The following FCHSD1 variants were observed in gnomAD, a reference collection of about 807,000 sequenced individuals.
The protein encoded by FCHSD1 is F-BAR and double SH3 domains protein 1.
FCHSD1 carries 109 observed loss-of-function variants against 101.3 expected under a neutral mutation model. The ratio of observed to expected loss-of-function variants is 1.08; its 90% CI spans 0.92 to 1.26. The LOEUF is 1.26. Ranked by LOEUF, FCHSD1 falls within the 50% of genes most tolerant of loss-of-function variation. FCHSD1 has a pLI of 0.00. For synonymous variants in FCHSD1, 291 were observed against 356.8 expected (o/e 0.82, Z 2.08); for missense variants, 820 against 895.8 (o/e 0.92, Z 1.08).
Position 141,649,868 on chromosome 5 carries a change from C to T in FCHSD1, c.233+19G>A. ...ATCACTTTTTGGCCTCTGTGGCCCTCCCCCTCCATAGGGCCCACCTGCTGT... is the reference window on the plus strand; with the variant it reads ...ATCACTTTTTGGCCTCTGTGGCCCTTCCCCTCCATAGGGCCCACCTGCTGT... On this transcript the variant is annotated intron_variant, in intron 4 of 19. Transcript: ENST00000435817. The surrounding 1 kb of genome is among the most constrained non-coding windows in gnomAD (Gnocchi z 4.1). 1 of 1,544,032 alleles carries T rather than the reference C, an allele frequency of 6.5e-7. No individual in the cohort carries two copies. Among genetic ancestry groups the T allele is most frequent in the Non-Finnish European group, 8.7e-7 (1 of 1,145,300 alleles).
chr5:141,649,598 AC>A lies in FCHSD1; in HGVS notation c.234-63del. 2.6e-6 allele frequency: 4 copies of A among 1,534,850 alleles called. No individual in the cohort carries two copies. Among genetic ancestry groups the A allele is most frequent in the East Asian group, 2.3e-5 (1 of 42,962 alleles). Reference sequence around the variant, plus strand: ...TCCACAGCTTCATGAGACCACCCCCACCCCCTGCCCCCTGACCAACACCATG... The same window carrying A: ...TCCACAGCTTCATGAGACCACCCCCACCCCTGCCCCCTGACCAACACCATG... On this transcript the variant is annotated intron_variant, in intron 4 of 19. Coordinates refer to ENST00000435817, the MANE Select transcript of FCHSD1 (RefSeq NM_033449.3). This position sits in a 1 kb window ranked among gnomAD's most constrained non-coding sequence, Gnocchi z 4.1.
In FCHSD1 at chr5:141,644,703, C is replaced by T. The variant is rs1467864688; in HGVS notation, c.1525-13G>A. ...GCTGGTTCCGAGCCTGCTCACCCAG[C>T]AATGTGAACAGATATTAGACTTACC... On this transcript the variant is annotated splice_polypyrimidine_tract_variant and intron_variant, in intron 15 of 19. Coordinates refer to ENST00000435817, the MANE Select transcript of FCHSD1 (RefSeq NM_033449.3). 4 of 1,613,632 alleles carry T rather than the reference C, an allele frequency of 2.5e-6. No homozygotes were observed. The highest frequency in any genetic ancestry group is 2.5e-6 in the Non-Finnish European group (3 of 1,179,694).
intron 13 of FCHSD1, 99 bp downstream of exon 13, chr5:141,645,672 G>T (rs2099907563): frequency 7.3e-6 from 10 of 1,377,410 alleles, no homozygotes; most frequent in Non-Finnish European, 7.8e-6. Flanking sequence ...ATAACCCTTT[G>T]AGTTAGGCAC....
At chr5:141,642,904 G>T in intron 18 of FCHSD1, 97 bp downstream of exon 18, 6 of 1,255,878 alleles carry the variant, frequency 4.8e-6, no homozygotes, top group Non-Finnish European at 6.6e-6. Flanking sequence ...CAAGATGCCT[G>T]AAGGCACGGA....
At position 141,640,100 on chromosome 5, in the gene FCHSD1, G is replaced by T. The variant is rs1440645389; in HGVS notation, c.*1398C>A. On this transcript the variant is annotated 3_prime_UTR_variant, in exon 20 of 20. Transcript: ENST00000435817. The stretch of plus-strand genomic sequence containing the variant: ...AGAGGCTGCCCCCTGAGAGGCCACA[G>T]CCCCAGGTCCTAGCCAGCCCCCCAG... 1.2e-6 allele frequency: 2 copies of T among 1,613,642 alleles called. No individual in the cohort carries two copies. The highest frequency in any genetic ancestry group is 1.7e-6 in the Non-Finnish European group (2 of 1,179,840).
chr5:141,647,885 C>G (rs762950992), intron 8 of FCHSD1, 83 bp downstream of exon 8: 1 of 1,540,848 alleles, frequency 6.5e-7, no homozygotes, highest in Non-Finnish European at 8.8e-7. Context: ...CTGCACCACC[C>G]ACTGTCATGG....
At chr5:141,643,811 G>A (rs1467891864) in intron 17 of FCHSD1, among the ~76,000 whole-genome samples, 1 of 149,528 alleles carries the variant, frequency 6.7e-6, no homozygotes, top group African/African-American at 2.5e-5. Flanking sequence ...TCGCACCATT[G>A]CACTCCAGCC....
chr5:141,650,301 T>C, intron 3 of FCHSD1, 58 bp downstream of exon 3: 1 of 1,606,558 alleles, frequency 6.2e-7, no homozygotes. Context: ...GGACAGACAT[T>C]ACTGGTGATA....
At position 141,641,380 on chromosome 5, in the gene FCHSD1, G is replaced by T; in HGVS notation, c.*118C>A. 1 of 932,348 alleles carries T rather than the reference G, an allele frequency of 1.1e-6. No individual in the cohort carries two copies. Among genetic ancestry groups the T allele is most frequent in the African/African-American group, 1.7e-5 (1 of 60,406 alleles). The allele number at this position is 932,348 out of a possible 1,614,324, so 57.8% of individuals were successfully genotyped here. A position where few individuals can be genotyped will look rare whatever the true frequency, so the allele number is the denominator to read the frequency against. On this transcript the variant is annotated 3_prime_UTR_variant, in exon 20 of 20. Coordinates refer to ENST00000435817, the MANE Select transcript of FCHSD1 (RefSeq NM_033449.3). Reference sequence around the variant, plus strand: ...GCAAGTTTCCACCCTTGGAGGTGAGGGTGGAAATAAGGGCGATTCCAGCTT... The same window carrying T: ...GCAAGTTTCCACCCTTGGAGGTGAGTGTGGAAATAAGGGCGATTCCAGCTT...
Position 141,641,379 on chromosome 5 carries a change from G to T in FCHSD1, c.*119C>A. 1.1e-6 allele frequency: 1 copy of T among 913,420 alleles called. No homozygotes were observed. Among genetic ancestry groups the T allele is most frequent in the Non-Finnish European group, 1.6e-6 (1 of 638,358 alleles). 56.6% of individuals were successfully genotyped at this position (913,420 alleles called of 1,614,324 possible). On this transcript the variant is annotated 3_prime_UTR_variant, in exon 20 of 20. Transcript: ENST00000435817. ...GGCAAGTTTCCACCCTTGGAGGTGA[G>T]GGTGGAAATAAGGGCGATTCCAGCT... is the stretch of plus-strand genomic sequence containing the variant.
chr5:141,641,726 G>T lies in FCHSD1; in HGVS notation c.1983C>A (p.Asp661Glu). The T allele has an allele frequency of 6.2e-7, 1 of 1,614,064 alleles. No individual in the cohort carries two copies. Among genetic ancestry groups the T allele is most frequent in the Non-Finnish European group, 8.5e-7 (1 of 1,179,902 alleles). ...DKALDFPGFL[D>E]MMAPRLRPMR... ...CCGGCCTGAGTCGAGGTGCCATCAT[G>T]TCCAGGAACCCAGGGAAGTCCAGGG... Residue 661 changes from aspartate (D) to glutamate (E), a missense_variant, in exon 19 of 20, where the codon GAC (aspartate) becomes GAA (glutamate). Asp to Glu is a conservative substitution (Grantham distance 45). Coordinates refer to ENST00000435817, the MANE Select transcript of FCHSD1 (RefSeq NM_033449.3).
Position 141,640,149 on chromosome 5 carries a change from A to G in FCHSD1, c.*1349T>C. 3 of 1,614,156 alleles carry G rather than the reference A, an allele frequency of 1.9e-6. No individual in the cohort carries two copies. Among genetic ancestry groups the G allele is most frequent in the Non-Finnish European group, 2.5e-6 (3 of 1,179,994 alleles). On this transcript the variant is annotated 3_prime_UTR_variant, in exon 20 of 20. Transcript: ENST00000435817. Reference sequence around the variant, plus strand: ...AGTACAGAATGGAGGACTCAGGGACAGCAGCCTAACCCCTCGTGCACTTGA... The same window carrying G: ...AGTACAGAATGGAGGACTCAGGGACGGCAGCCTAACCCCTCGTGCACTTGA...
chr5:141,641,896 TC>T, intron 18 of FCHSD1, 139 bp from the exon 19 acceptor site: 1 of 848,630 alleles, frequency 1.2e-6, no homozygotes, highest in Non-Finnish European at 1.9e-6. Context: ...CATCACTCTA[TC>T]CACTGTCCTC....
At chr5:141,650,329 A>G in intron 3 of FCHSD1, 30 bp downstream of exon 3, 1 of 1,613,512 alleles carries the variant, frequency 6.2e-7, no homozygotes, top group Non-Finnish European at 8.5e-7. Context: ...GGCTGGAACA[A>G]GAGGTAAGGT....
At position 141,649,995 on chromosome 5, in the gene FCHSD1, G is replaced by T. The variant is rs1490276702; in HGVS notation, c.166-41C>A. On this transcript the variant is annotated intron_variant, in intron 3 of 19. Coordinates refer to ENST00000435817, the MANE Select transcript of FCHSD1 (RefSeq NM_033449.3). This position sits in a 1 kb window ranked among gnomAD's most constrained non-coding sequence, Gnocchi z 4.1. ...TCACAGAACCAAGTTCCCTTTCAAA[G>T]ACCCACCCCAACTGGCAGAATATGA... 6.6e-7 allele frequency: 1 copy of T among 1,513,620 alleles called. No individual in the cohort carries two copies. Among genetic ancestry groups the T allele is most frequent in the East Asian group, 2.5e-5 (1 of 40,588 alleles). The allele number at this position is 1,513,620 out of a possible 1,614,324, so 93.8% of individuals were successfully genotyped here.
chr5:141,642,438 A>T, intron 18 of FCHSD1: 1 of 690,250 alleles, frequency 1.4e-6, no homozygotes, highest in South Asian at 1.5e-5. Context: ...CAGGTACACT[A>T]GAAGCCCAAT....
intron 11 of FCHSD1, 121 bp from the exon 12 acceptor site, chr5:141,646,312 G>A: frequency 1.9e-6 from 2 of 1,057,402 alleles, no homozygotes; most frequent in Non-Finnish European, 2.8e-6. Flanking sequence ...CCTATGAGGT[G>A]GGTGCTATTA....
chr5:141,651,245 C>G lies in FCHSD1; in HGVS notation c.21+103G>C. On this transcript the variant is annotated intron_variant, in intron 1 of 19. Coordinates refer to ENST00000435817, the MANE Select transcript of FCHSD1 (RefSeq NM_033449.3). Reference sequence around the variant, plus strand: ...TCCTCTGTTACTTCTGGTTTGGGGTCTGACCCCTTCCGACTTCCCGTCTCC... The same window carrying G: ...TCCTCTGTTACTTCTGGTTTGGGGTGTGACCCCTTCCGACTTCCCGTCTCC... 2.6e-6 allele frequency: 4 copies of G among 1,533,650 alleles called. No homozygotes were observed. The South Asian group carries it at 4.8e-5, about 18-fold the overall frequency.
chr5:141,641,568 A>C lies in FCHSD1; in HGVS notation c.2008-5T>G, dbSNP rs2099906901. ...CGGGGGAGGTGGTGGACGCATCTGT[A>C]GGGAACACACAGTTAGTGCTCCAGA... On this transcript the variant is annotated splice_polypyrimidine_tract_variant and splice_region_variant and intron_variant, in intron 19 of 19. Coordinates refer to ENST00000435817, the MANE Select transcript of FCHSD1 (RefSeq NM_033449.3). The C allele has an allele frequency of 1.9e-6, 3 of 1,566,310 alleles. No homozygotes were observed. Among genetic ancestry groups the C allele is most frequent in the Admixed American group, 3.7e-5 (2 of 54,106 alleles).
Sources: allele counts gnomAD v4.1 joint callset (sites outside exome capture counted in the v4.1 genomes callset), GRCh38; gene constraint gnomAD v4.1.1; non-coding constraint Gnocchi (gnomAD v3.1); transcripts MANE v1.5; gene names NCBI Gene and HGNC (gene_info 2026-07-23, HGNC 2026-07-21).